The following CRADD variants were observed in gnomAD, a reference collection of about 807,000 sequenced individuals.
CRADD encodes CARD and death domain containing adaptor protein.
In CRADD, 9 loss-of-function variants were observed where a neutral mutation model predicts 15.5. The ratio of observed to expected loss-of-function variants is 0.58; its 90% CI spans 0.35 to 1.01. The LOEUF (loss-of-function observed/expected upper bound fraction) is 1.01. CRADD is among the 50% of genes least tolerant of loss of function. The pLI, the probability that CRADD is intolerant of heterozygous loss-of-function variation, is 0.02. For missense variants in CRADD, 227 were observed against 250.3 expected, an observed-to-expected ratio of 0.91 and a Z score of 0.63; for synonymous variants, 118 against 107.6, an observed-to-expected ratio of 1.10 and a Z score of -0.60.
intron 2 of CRADD, among the ~76,000 whole-genome samples, chr12:93,821,984 G>C (rs906950477): frequency 1.3e-5 from 2 of 152,178 alleles, no homozygotes; most frequent in East Asian, 3.9e-4. Flanking sequence ...CAGGTGTGGT[G>C]GTGGGCGCCT....
intron 2 of CRADD, among the ~76,000 whole-genome samples, chr12:93,778,723 G>GTTTTTTTTTTTTTTTTGT (rs199532871): frequency 7.7e-6 from 1 of 130,430 alleles, no homozygotes; most frequent in Non-Finnish European, 1.7e-5. Flanking sequence ...TTTTTGGTTG[G>GTTTTTTTTTTTTTTTTGT]TTTTTTTTTT....
At chr12:93,870,098 A>G (rs1051873807) in intron 2 of CRADD, among the ~76,000 whole-genome samples, 3 of 152,256 alleles carry the variant, frequency 2.0e-5, no homozygotes, top group Non-Finnish European at 4.4e-5. Context: ...AAAATGATTC[A>G]TCAGAAATAA....
At chr12:93,841,718 A>G (rs554482111) in intron 2 of CRADD, among the ~76,000 whole-genome samples, 1 of 151,870 alleles carries the variant, frequency 6.6e-6, no homozygotes, top group African/African-American at 2.4e-5. Flanking sequence ...GCTTTGATCA[A>G]TGGAGCATTA....
chr12:93,803,851 C>T (rs1046410341), intron 2 of CRADD, among the ~76,000 whole-genome samples: 2 of 151,970 alleles, frequency 1.3e-5, no homozygotes, highest in Non-Finnish European at 2.9e-5. Flanking sequence ...TAGATGGGCC[C>T]AACCTAATCA....
chr12:93,887,525 C>G (rs1295899867), intron 2 of CRADD, among the ~76,000 whole-genome samples: 1 of 152,174 alleles, frequency 6.6e-6, no homozygotes, highest in Non-Finnish European at 1.5e-5. Context: ...CAAACAAATT[C>G]CAAAATACGT....
At chr12:93,681,934 GA>G (rs1955317143) in intron 2 of CRADD, among the ~76,000 whole-genome samples, 1 of 152,158 alleles carries the variant, frequency 6.6e-6, no homozygotes, top group South Asian at 2.1e-4. Flanking sequence ...GTGTGGGAAG[GA>G]AAGGGTGGAA....
chr12:93,839,228 T>C (rs751778285), intron 2 of CRADD, among the ~76,000 whole-genome samples: 3 of 152,214 alleles, frequency 2.0e-5, no homozygotes, highest in Non-Finnish European at 4.4e-5. Flanking sequence ...AATGAGCTTT[T>C]AGATTGCTTC....
At chr12:93,844,342 C>T (rs1958087183) in intron 2 of CRADD, among the ~76,000 whole-genome samples, 1 of 152,140 alleles carries the variant, frequency 6.6e-6, no homozygotes, top group Admixed American at 6.5e-5. Flanking sequence ...CAGCAGAATT[C>T]ACGAACTGAA....
intron 2 of CRADD, among the ~76,000 whole-genome samples, chr12:93,704,373 A>G (rs1251457820): frequency 6.6e-6 from 1 of 152,176 alleles, no homozygotes; most frequent in African/African-American, 2.4e-5. Flanking sequence ...TCCCTTCTCT[A>G]AACATCCTTC....
chr12:93,722,070 G>A (rs535783764), intron 2 of CRADD, among the ~76,000 whole-genome samples: 15 of 152,224 alleles, frequency 9.9e-5, no homozygotes, highest in East Asian at 5.8e-4. Context: ...TGAGAAAGTC[G>A]TTATTTCTCC....
chr12:93,893,943 A>G (rs180913275), intron 2 of CRADD: 43 of 680,618 alleles, frequency 6.3e-5, no homozygotes, highest in Non-Finnish European at 7.8e-5. Flanking sequence ...ATCTATTCCT[A>G]CGTTGTTTGA....
At chr12:93,684,228 C>A (rs750056153) in intron 2 of CRADD, among the ~76,000 whole-genome samples, 1 of 152,172 alleles carries the variant, frequency 6.6e-6, no homozygotes, top group African/African-American at 2.4e-5. Flanking sequence ...GCCTTTTTGG[C>A]GTCAGAGACT....
intron 2 of CRADD, chr12:93,738,767 A>C: frequency 4.1e-6 from 1 of 245,888 alleles, no homozygotes. Context: ...AATAAAAATA[A>C]TTAGTAAGTC....
chr12:93,759,548 C>A (rs1187521502), intron 2 of CRADD, among the ~76,000 whole-genome samples: 3 of 152,112 alleles, frequency 2.0e-5, no homozygotes, highest in Non-Finnish European at 4.4e-5. Flanking sequence ...GAAATCATTT[C>A]TCTTCTCCAC....
At position 93,850,307 on chromosome 12, in the gene CRADD, G is replaced by T; in HGVS notation, c.*36G>T. 2 of 1,548,792 alleles carry T rather than the reference G, an allele frequency of 1.3e-6. No homozygotes were observed. The highest frequency in any genetic ancestry group is 2.4e-5 in the South Asian group (2 of 82,754). ...AGCAACCGCTGGGGAGTGTGTCCCT[G>T]AGTCATGTGGGCTGAATCCTGACTT... On this transcript the variant is annotated 3_prime_UTR_variant, in exon 3 of 3. Transcript: ENST00000332896. The surrounding 1 kb of genome is among the most constrained non-coding windows in gnomAD (Gnocchi z 4.0).
At chr12:93,854,500 G>A (rs574811245), downstream of CRADD, among the ~76,000 whole-genome samples, 4 of 152,318 alleles carry the variant, frequency 2.6e-5, no homozygotes, top group African/African-American at 7.2e-5. Context: ...GAGTCAGTGC[G>A]GGAGGGCTCT....
chr12:93,737,390 C>T (rs1329057940), intron 2 of CRADD, among the ~76,000 whole-genome samples: 2 of 152,154 alleles, frequency 1.3e-5, no homozygotes, highest in East Asian at 3.9e-4. Flanking sequence ...ACTGTATGTG[C>T]CAGATAAAAG....
At chr12:93,786,009 G>A (rs985413028) in intron 2 of CRADD, among the ~76,000 whole-genome samples, 1 of 152,178 alleles carries the variant, frequency 6.6e-6, no homozygotes, top group Non-Finnish European at 1.5e-5. Context: ...AGAAAGTGTT[G>A]GGGAGGCAGC....
intron 2 of CRADD, among the ~76,000 whole-genome samples, chr12:93,893,895 A>G (rs1351009057): frequency 6.6e-6 from 1 of 151,200 alleles, no homozygotes; most frequent in East Asian, 1.9e-4. Context: ...GCAAGACTCC[A>G]TCTCAAAAAA....
Sources: allele counts gnomAD v4.1 joint callset (sites outside exome capture counted in the v4.1 genomes callset), GRCh38; gene constraint gnomAD v4.1.1; non-coding constraint Gnocchi (gnomAD v3.1); transcripts MANE v1.5; gene names NCBI Gene and HGNC (gene_info 2026-07-23, HGNC 2026-07-21).